The following CSMD2 variants were observed in gnomAD, a reference collection of about 807,000 sequenced individuals.
CSMD2 encodes the protein CUB and Sushi multiple domains 2.
Under a neutral mutation model 398.5 loss-of-function variants are expected in CSMD2, and 130 were observed. The ratio of observed to expected loss-of-function variants is 0.33; its 90% CI spans 0.28 to 0.38. The LOEUF is 0.38. Among genes scored for constraint, CSMD2 ranks in the 10% least tolerant of loss-of-function variants. The pLI is 1.00. For synonymous variants in CSMD2, 1,828 were observed against 1,908.5 expected (o/e 0.96, Z 1.10); for missense variants, 3,829 against 4,764.9 (o/e 0.80, Z 5.78).
At chr1:33,741,161 C>T (rs981441937) in intron 14 of CSMD2, among the ~76,000 whole-genome samples, 3 of 152,028 alleles carry the variant, frequency 2.0e-5, no homozygotes, top group African/African-American at 7.3e-5. Flanking sequence ...GGAAGTGGGA[C>T]CACTGATCCT....
chr1:34,050,026 T>C (rs1044756493), intron 2 of CSMD2, among the ~76,000 whole-genome samples: 1 of 152,314 alleles, frequency 6.6e-6, no homozygotes, highest in South Asian at 2.1e-4. Flanking sequence ...GGATGAAACC[T>C]CTCACCAGAA....
At chr1:33,713,140 G>T (rs577199447) in intron 21 of CSMD2, among the ~76,000 whole-genome samples, 2 of 152,330 alleles carry the variant, frequency 1.3e-5, no homozygotes, top group South Asian at 4.1e-4. Flanking sequence ...AGGAAGCTGA[G>T]GTTAAGGGGG....
intron 3 of CSMD2, among the ~76,000 whole-genome samples, chr1:34,023,854 A>G (rs145680084): frequency 6.6e-6 from 1 of 152,200 alleles, no homozygotes; most frequent in South Asian, 2.1e-4. Context: ...GCAGAGCTCA[A>G]ACTTGATCTC....
chr1:33,798,059 T>A (rs1261194737), intron 10 of CSMD2, among the ~76,000 whole-genome samples: 1 of 152,232 alleles, frequency 6.6e-6, no homozygotes, highest in Non-Finnish European at 1.5e-5. Flanking sequence ...GAGCCTCTAG[T>A]GCACAATGTA....
chr1:33,621,339 C>T (rs1192184017), intron 37 of CSMD2, among the ~76,000 whole-genome samples: 1 of 152,166 alleles, frequency 6.6e-6, no homozygotes, highest in African/African-American at 2.4e-5. Flanking sequence ...CCGCCCACAA[C>T]CATTCTCTCC....
At chr1:33,573,754 T>C (rs972221038) in intron 49 of CSMD2, among the ~76,000 whole-genome samples, 2 of 152,072 alleles carry the variant, frequency 1.3e-5, no homozygotes, top group Non-Finnish European at 2.9e-5. Flanking sequence ...GGAATTATCA[T>C]AGATGAAAAT....
At chr1:33,778,493 GC>G (rs1259317178) in intron 12 of CSMD2, among the ~76,000 whole-genome samples, 1 of 151,764 alleles carries the variant, frequency 6.6e-6, no homozygotes, top group Non-Finnish European at 1.5e-5. Flanking sequence ...TCACCACCCA[GC>G]CCCCCTCACT....
chr1:33,833,849 A>T (rs1337507895), intron 6 of CSMD2, among the ~76,000 whole-genome samples: 1 of 151,980 alleles, frequency 6.6e-6, no homozygotes, highest in East Asian at 1.9e-4. Flanking sequence ...ATTCTTATAC[A>T]CTAATAACAG....
chr1:33,895,609 C>T (rs1028826853), intron 5 of CSMD2, among the ~76,000 whole-genome samples: 3 of 152,154 alleles, frequency 2.0e-5, no homozygotes. Context: ...TCATGCAGAG[C>T]TTGAGCCCGC....
At chr1:33,726,767 CAGGCA>C in intron 15 of CSMD2, 82 bp from the exon 16 acceptor site, 7 of 1,416,060 alleles carry the variant, frequency 4.9e-6, no homozygotes, top group Non-Finnish European at 6.6e-6. Flanking sequence ...TAAAATGTGT[CAGGCA>C]ATAAGTATAG....
rs1390130743 is a variant in CSMD2 at position 33,694,888 on chromosome 1, C to A, written c.3926-1832G>T. Among the ~76,000 whole-genome samples, 4 of 152,304 alleles carry A rather than the reference C, an allele frequency of 2.6e-5. No individual in the cohort carries two copies. In the East Asian group the frequency reaches 7.7e-4, roughly 29 times the overall value. On this transcript the variant is annotated intron_variant, in intron 24 of 70. Coordinates refer to ENST00000373381, the MANE Select transcript of CSMD2 (RefSeq NM_001281956.2). ...CTTCTTGATAGCAACAGGACCTCTG[C>A]TGGCTGCCAGGACAGCAGAGATCAA...
intron 3 of CSMD2, among the ~76,000 whole-genome samples, chr1:33,993,550 C>T (rs1481855325): frequency 1.3e-5 from 2 of 149,190 alleles, no homozygotes; most frequent in Admixed American, 1.4e-4. Flanking sequence ...TCTACACCCT[C>T]AGCCAGCCTC....
At chr1:33,698,050 T>A (rs926862521) in intron 24 of CSMD2, among the ~76,000 whole-genome samples, 2 of 152,106 alleles carry the variant, frequency 1.3e-5, no homozygotes, top group African/African-American at 2.4e-5. Context: ...CGAAGCAGTA[T>A]GGGGGAACTC....
intron 13 of CSMD2, among the ~76,000 whole-genome samples, chr1:33,753,481 TGAA>T (rs958350084): frequency 2.0e-5 from 3 of 152,346 alleles, no homozygotes; most frequent in African/African-American, 7.2e-5. Flanking sequence ...CATGCAAGTA[TGAA>T]GAAGGCTTGG....
rs3816922 is a variant in CSMD2 at position 33,514,484 on chromosome 1, C to T, written c.*2140G>A. 21,909 of 146,356 alleles carry T rather than the reference C, an allele frequency of 0.15. 2,089 individuals carry two copies. Among genetic ancestry groups the T allele is most frequent in the East Asian group, 0.39 (1,914 of 4,858 alleles). The allele number at this position is 146,356 out of a possible 1,614,324, so 9.1% of individuals were successfully genotyped here. A position where few individuals can be genotyped will look rare whatever the true frequency, so the allele number is the denominator to read the frequency against. The stretch of plus-strand genomic sequence containing the variant: ...GAGGTGGAGAGAAATGTCAGGGGTG[C>T]GGAGGGTGATGCCCAGCAGAGTGCT... On this transcript the variant is annotated 3_prime_UTR_variant, in exon 71 of 71. Coordinates refer to ENST00000373381, the MANE Select transcript of CSMD2 (RefSeq NM_001281956.2).
At chr1:34,005,600 A>C (rs1647031351) in intron 3 of CSMD2, among the ~76,000 whole-genome samples, 1 of 152,168 alleles carries the variant, frequency 6.6e-6, no homozygotes, top group African/African-American at 2.4e-5. Context: ...GGAGCCCATC[A>C]AGCTTGAACC....
chr1:34,107,776 C>T (rs1660663868), intron 1 of CSMD2, among the ~76,000 whole-genome samples: 1 of 152,208 alleles, frequency 6.6e-6, no homozygotes, highest in South Asian at 2.1e-4. Flanking sequence ...GCTTCTGTCC[C>T]ATTGCCTGAC....
chr1:34,000,315 T>C (rs868825146), intron 3 of CSMD2, among the ~76,000 whole-genome samples: 2 of 152,180 alleles, frequency 1.3e-5, no homozygotes, highest in African/African-American at 4.8e-5. Context: ...GTGAGGAGAC[T>C]GAAGGAGAGA....
intron 2 of CSMD2, among the ~76,000 whole-genome samples, chr1:34,088,776 G>A (rs1419397382): frequency 1.3e-5 from 2 of 152,148 alleles, no homozygotes; most frequent in African/African-American, 2.4e-5. Context: ...CTTCCCAAAT[G>A]TCCTACTCAT....
Sources: gnomAD v4.1 joint callset for allele counts (sites outside exome capture counted in the v4.1 genomes callset) on GRCh38, gnomAD v4.1.1 for gene constraint, MANE v1.5 for transcripts, NCBI Gene and HGNC (gene_info 2026-07-23, HGNC 2026-07-21) for gene names.